The following KMT5A variants were observed in gnomAD, a reference collection of about 807,000 sequenced individuals.
KMT5A encodes the protein N-lysine methyltransferase KMT5A.
KMT5A carries 6 observed loss-of-function variants against 40.6 expected under a neutral mutation model. That is an observed-to-expected ratio of 0.15 (90% CI 0.08 to 0.29). The LOEUF is 0.29. Ranked by LOEUF, KMT5A falls within the 10% of genes least tolerant of loss-of-function variation. KMT5A has a pLI of 1.00. For synonymous variants in KMT5A, 153 were observed against 178.8 expected (o/e 0.86, Z 1.15); for missense variants, 308 against 459.1 (o/e 0.67, Z 3.01).
chr12:123,384,317 G>T lies in KMT5A; in HGVS notation c.10+109G>T. On this transcript the variant is annotated intron_variant, in intron 1 of 7. Coordinates refer to ENST00000402868, the MANE Select transcript of KMT5A (RefSeq NM_020382.7). The surrounding 1 kb of genome is among the most constrained non-coding windows in gnomAD (Gnocchi z 5.7). ...GGGAGGCGTCCTCCTCGGGTGGCTC[G>T]GGGCAAGCTTGGGGACCCGCGTGGG... 3.4e-6 allele frequency: 5 copies of T among 1,491,770 alleles called. No individual in the cohort carries two copies. In the Middle Eastern group the frequency reaches 6.7e-4, roughly 200 times the overall value. The allele number at this position is 1,491,770 out of a possible 1,614,324, so 92.4% of individuals were successfully genotyped here.
chr12:123,396,260 T>G (rs1436207734), intron 4 of KMT5A, 85 bp from the exon 5 acceptor site: 2 of 1,284,184 alleles, frequency 1.6e-6, no homozygotes, highest in Non-Finnish European at 2.2e-6. Flanking sequence ...GCTGTGTGCC[T>G]CCTCGGTGTG....
chr12:123,388,492 T>C (rs1348184616), intron 1 of KMT5A: 4 of 152,246 alleles, frequency 2.6e-5, no homozygotes, highest in Non-Finnish European at 4.4e-5. Context: ...CCTGGCCCCA[T>C]CACTTCCTAG....
At chr12:123,394,420 A>G (rs1289671212) in intron 3 of KMT5A, among the ~76,000 whole-genome samples, 5 of 152,132 alleles carry the variant, frequency 3.3e-5, no homozygotes, top group Non-Finnish European at 7.4e-5. Flanking sequence ...TTAGTTATTT[A>G]AAAGTAAAAC....
At chr12:123,404,861 C>A (rs993000854) in intron 6 of KMT5A, 23 bp from the exon 7 acceptor site, 2 of 1,601,982 alleles carry the variant, frequency 1.2e-6, no homozygotes, top group Non-Finnish European at 1.7e-6. Context: ...TATGAACCAA[C>A]ACCCTCTCTT....
chr12:123,390,944 TC>T, intron 3 of KMT5A, 158 bp downstream of exon 3: 1 of 845,076 alleles, frequency 1.2e-6, no homozygotes, highest in Non-Finnish European at 1.8e-6. Context: ...GAATGGCTTG[TC>T]CCAGGGTGTG....
chr12:123,405,792 G>A (rs1878504588), intron 7 of KMT5A, among the ~76,000 whole-genome samples: 1 of 150,844 alleles, frequency 6.6e-6, no homozygotes, highest in South Asian at 2.1e-4. Flanking sequence ...GATTACAGAT[G>A]TGAGCCACTG....
chr12:123,405,517 C>CT lies in KMT5A; in HGVS notation c.848+469dup, dbSNP rs35093204. Among the ~76,000 whole-genome samples, 20 of 78,044 alleles carry CT rather than the reference C, an allele frequency of 2.6e-4. 2 individuals are homozygous for CT. Among genetic ancestry groups the CT allele is most frequent in the East Asian group, 9.9e-4 (3 of 3,024 alleles). The allele number at this position is 78,044 out of a possible 152,430, so 51.2% of individuals were successfully genotyped here. A position where few individuals can be genotyped will look rare whatever the true frequency, so the allele number is the denominator to read the frequency against. ...CTGTGATGCAATTATCGCCTGCTTC[C>CT]TTTTTTTTTTTTTTTTTTTTTTTTT... On this transcript the variant is annotated intron_variant, in intron 7 of 7. Transcript: ENST00000402868.
At chr12:123,394,972 T>C (rs941073623) in intron 3 of KMT5A, 75 bp from the exon 4 acceptor site, 42 of 1,338,912 alleles carry the variant, frequency 3.1e-5, no homozygotes, top group Admixed American at 8.5e-5. Flanking sequence ...AAGCTTGTCT[T>C]AGAATGCAGC....
Position 123,396,229 on chromosome 12 carries a change from A to C in KMT5A, c.510-116A>C, listed in dbSNP as rs1877710203. On this transcript the variant is annotated intron_variant, in intron 4 of 7. Coordinates refer to ENST00000402868, the MANE Select transcript of KMT5A (RefSeq NM_020382.7). ...CAGGCTCCAGTGGACAAAGGTGTTTAAGTGACATCATCTCCAAGGAGCTGT... is the reference window on the plus strand; with the variant it reads ...CAGGCTCCAGTGGACAAAGGTGTTTCAGTGACATCATCTCCAAGGAGCTGT... The C allele has an allele frequency of 3.6e-5, 33 of 912,252 alleles. No homozygotes were observed. In the South Asian group the frequency reaches 4.6e-4, roughly 13 times the overall value. The allele number at this position is 912,252 out of a possible 1,614,324, so 56.5% of individuals were successfully genotyped here. A position where few individuals can be genotyped will look rare whatever the true frequency, so the allele number is the denominator to read the frequency against.
chr12:123,401,573 G>GT lies in KMT5A; in HGVS notation c.598-1991dup, dbSNP rs535552781. Among the ~76,000 whole-genome samples the GT allele has an allele frequency of 5.0e-4, 74 of 147,778 alleles. No individual in the cohort carries two copies. In the East Asian group the frequency reaches 6.5e-3, roughly 13 times the overall value. On this transcript the variant is annotated intron_variant, in intron 5 of 7. Transcript: ENST00000402868. ...TACTATTAAATAAGTTTATGGGAAGGTTTTTTTTTGTTTTTTGTTTCTTTT... is the reference window on the plus strand; with the variant it reads ...TACTATTAAATAAGTTTATGGGAAGGTTTTTTTTTTGTTTTTTGTTTCTTTT...
chr12:123,407,378 C>T (rs1214389511), intron 7 of KMT5A, 115 bp from the exon 8 acceptor site: 1 of 1,021,540 alleles, frequency 9.8e-7, no homozygotes, highest in Non-Finnish European at 1.4e-6. Context: ...TGAATCTTTT[C>T]AAAACACATG....
At chr12:123,389,893 G>A in intron 2 of KMT5A, 1 of 361,396 alleles carries the variant, frequency 2.8e-6, no homozygotes, top group South Asian at 2.1e-5. Context: ...CGAGGGCCCG[G>A]CGTTGCTTCT....
intron 3 of KMT5A, among the ~76,000 whole-genome samples, chr12:123,392,053 A>C (rs1185075577): frequency 1.3e-5 from 2 of 152,210 alleles, no homozygotes; most frequent in Non-Finnish European, 1.5e-5. Flanking sequence ...TCTCATCTGT[A>C]AATGGGGAGA....
intron 3 of KMT5A, among the ~76,000 whole-genome samples, chr12:123,394,609 T>C (rs780352306): frequency 9.9e-5 from 15 of 152,154 alleles, no homozygotes; most frequent in Non-Finnish European, 1.5e-4. Flanking sequence ...CTTCGGAGTC[T>C]GAAATGAAGG....
At chr12:123,405,705 G>A (rs925815240) in intron 7 of KMT5A, among the ~76,000 whole-genome samples, 5 of 151,408 alleles carry the variant, frequency 3.3e-5, no homozygotes, top group Admixed American at 3.3e-4. Flanking sequence ...TTTTTTAGTA[G>A]AGACAGGGTT....
chr12:123,398,337 C>T (rs1401602280), intron 5 of KMT5A, among the ~76,000 whole-genome samples: 1 of 151,884 alleles, frequency 6.6e-6, no homozygotes, highest in Non-Finnish European at 1.5e-5. Context: ...CCACAGAATC[C>T]CAGACACCTC....
rs568660682 is a variant in KMT5A at position 123,399,519 on chromosome 12, G to A, written c.597+3087G>A. Reference sequence around the variant, plus strand: ...CCCCGGTCTTTCCATGATCACTCCCGTTTACATGGGCCCCCGTACTTCTCA... The same window carrying A: ...CCCCGGTCTTTCCATGATCACTCCCATTTACATGGGCCCCCGTACTTCTCA... On this transcript the variant is annotated intron_variant, in intron 5 of 7. Coordinates refer to ENST00000402868, the MANE Select transcript of KMT5A (RefSeq NM_020382.7). Among the ~76,000 whole-genome samples the A allele has an allele frequency of 2.1e-4, 32 of 152,234 alleles. No individual in the cohort carries two copies. The South Asian group carries it at 6.2e-3, about 30-fold the overall frequency.
rs1281268108 is a variant in KMT5A, at chr12:123,390,612, AT to A, written c.133-17del. On this transcript the variant is annotated splice_polypyrimidine_tract_variant and intron_variant, in intron 2 of 7. Coordinates refer to ENST00000402868, the MANE Select transcript of KMT5A (RefSeq NM_020382.7). ...TTCTTCTTCAAGCCTCTTTCAGAAT[AT>A]GCTTTTGTCTTTTTAGGAGAACGTA... is the stretch of plus-strand genomic sequence containing the variant. 1.2e-6 allele frequency: 2 copies of A among 1,612,220 alleles called. No individual in the cohort carries two copies. The highest frequency in any genetic ancestry group is 1.7e-6 in the Non-Finnish European group (2 of 1,179,330).
At chr12:123,392,283 C>G (rs1227203037) in intron 3 of KMT5A, among the ~76,000 whole-genome samples, 3 of 152,116 alleles carry the variant, frequency 2.0e-5, no homozygotes, top group Non-Finnish European at 4.4e-5. Context: ...ATAGGGCAGT[C>G]TATACATTGT....
Sources: allele counts gnomAD v4.1 joint callset (sites outside exome capture counted in the v4.1 genomes callset), GRCh38; gene constraint gnomAD v4.1.1; non-coding constraint Gnocchi (gnomAD v3.1); transcripts MANE v1.5; gene names NCBI Gene and HGNC (gene_info 2026-07-23, HGNC 2026-07-21).